The following PRDM11 variants were observed in gnomAD, a reference collection of about 807,000 sequenced individuals.
PRDM11 encodes the protein PR domain-containing protein 11.
In PRDM11, 20 loss-of-function variants were observed where a neutral mutation model predicts 97.8. The observed-to-expected ratio is 0.20, with a 90% CI of 0.14 to 0.30. The LOEUF (loss-of-function observed/expected upper bound fraction) is 0.30. PRDM11 is among the 10% of genes least tolerant of loss of function. The probability of loss-of-function intolerance (pLI) is 1.00; values close to 1 mark genes in which losing one functional copy is unlikely to be tolerated. For missense variants in PRDM11, 1,139 were observed against 1,555.2 expected (o/e 0.73, Z 4.50); for synonymous variants, 599 against 637.7 (o/e 0.94, Z 0.91).
chr11:45,207,419 T>C (rs574807674), intron 5 of PRDM11, among the ~76,000 whole-genome samples: 2 of 150,160 alleles, frequency 1.3e-5, no homozygotes, highest in East Asian at 1.9e-4. Flanking sequence ...CGAGCACTAT[T>C]TTGTGCCCCT....
At chr11:45,107,969 A>G in intron 1 of PRDM11, among the ~76,000 whole-genome samples, 1 of 151,990 alleles carries the variant, frequency 6.6e-6, no homozygotes, top group East Asian at 1.9e-4. Flanking sequence ...AGCTGGGACT[A>G]CAGGTCTACA....
exon 1 of PRDM11, chr11:45,095,888 A>G (rs1345890042): frequency 2.6e-6 from 2 of 780,888 alleles, no homozygotes; most frequent in Non-Finnish European, 4.8e-6. Flanking sequence ...CTCTTCCTTT[A>G]CCAGAGAGAG....
At position 45,233,324 on chromosome 11, in the gene PRDM11, C is replaced by T. The variant is rs1007159845; in HGVS notation, c.*5165C>T. The stretch of plus-strand genomic sequence containing the variant: ...AGAGGAGAGTGGCTGGGTCCCGGCT[C>T]GCTCCATGCACTTTCTCTCCTTTTC... On this transcript the variant is annotated 3_prime_UTR_variant, in exon 8 of 8. Coordinates refer to ENST00000683152, the MANE Select transcript of PRDM11 (RefSeq NM_001384648.1). 6.6e-6 allele frequency: 1 copy of T among 152,110 alleles called. No homozygotes were observed. Among genetic ancestry groups the T allele is most frequent in the Non-Finnish European group, 1.5e-5 (1 of 68,044 alleles). 9.4% of individuals were successfully genotyped at this position (152,110 alleles called of 1,614,324 possible). A position where few individuals can be genotyped will look rare whatever the true frequency, so the allele number is the denominator to read the frequency against.
chr11:45,102,819 C>G (rs1471408901), intron 1 of PRDM11, among the ~76,000 whole-genome samples: 1 of 152,196 alleles, frequency 6.6e-6, no homozygotes, highest in Admixed American at 6.5e-5. Flanking sequence ...GTAATCAGTT[C>G]AATGCCAGAG....
intron 1 of PRDM11, among the ~76,000 whole-genome samples, chr11:45,174,667 G>C (rs1400446233): frequency 6.6e-6 from 1 of 152,186 alleles, no homozygotes; most frequent in African/African-American, 2.4e-5. Flanking sequence ...CTAATGACAA[G>C]TGGGTAAAGG....
At chr11:45,128,004 C>T (rs192297341) in intron 1 of PRDM11, among the ~76,000 whole-genome samples, 281 of 152,356 alleles carry the variant, frequency 1.8e-3, no homozygotes, top group African/African-American at 5.4e-3. Context: ...CCACCCACTT[C>T]GAGCTTCCTG....
rs2135867982 is a variant in PRDM11, at chr11:45,231,301, T to C, written c.*3142T>C. ...GATTTCTGTCATAGGCATTTCCCAC[T>C]CTTCTGCTTGCTTGAGAAGGACTTG... On this transcript the variant is annotated 3_prime_UTR_variant, in exon 8 of 8. Transcript: ENST00000683152. 1 of 152,188 alleles carries C rather than the reference T, an allele frequency of 6.6e-6. No homozygotes were observed. Among genetic ancestry groups the C allele is most frequent in the African/African-American group, 2.4e-5 (1 of 41,540 alleles). 9.4% of individuals were successfully genotyped at this position (152,188 alleles called of 1,614,324 possible). A position where few individuals can be genotyped will look rare whatever the true frequency, so the allele number is the denominator to read the frequency against.
chr11:45,140,555 T>C (rs557937180), intron 1 of PRDM11, among the ~76,000 whole-genome samples: 2 of 152,350 alleles, frequency 1.3e-5, no homozygotes, highest in South Asian at 4.1e-4. Context: ...AACCTTGGCT[T>C]ACACACCTCC....
At chr11:45,207,083 C>T (rs761278793) in intron 5 of PRDM11, among the ~76,000 whole-genome samples, 1 of 152,112 alleles carries the variant, frequency 6.6e-6, no homozygotes, top group Non-Finnish European at 1.5e-5. Flanking sequence ...GGGCTCTCAT[C>T]TTATGACCAC....
chr11:45,204,820 C>T, intron 5 of PRDM11, 42 bp downstream of exon 5: 1 of 1,558,640 alleles, frequency 6.4e-7, no homozygotes, highest in Non-Finnish European at 8.9e-7. Context: ...CTTGCCTGGC[C>T]TCTGGAAAGG....
At position 45,181,829 on chromosome 11, in the gene PRDM11, G is replaced by C; in HGVS notation, c.63G>C (p.Thr21=). ...QTNAAVGDMV[T]VVKTEVCSPL... ...ATGCAGCCGTGGGGGATATGGTGAC[G>C]GTGGTGAAGACGGAGGTCTGCTCAC... Residue 21 remains threonine, a synonymous_variant, in exon 2 of 8, where the codon ACG becomes ACC. Transcript: ENST00000683152. 2 of 1,613,596 alleles carry C rather than the reference G, an allele frequency of 1.2e-6. No homozygotes were observed. Among genetic ancestry groups the C allele is most frequent in the Non-Finnish European group, 1.7e-6 (2 of 1,179,960 alleles).
At chr11:45,151,676 C>T (rs374065439) in intron 1 of PRDM11, among the ~76,000 whole-genome samples, 25 of 152,312 alleles carry the variant, frequency 1.6e-4, no homozygotes, top group South Asian at 1.2e-3. Context: ...AGCAGAAGGA[C>T]GCAAAGGAGA....
At chr11:45,133,826 A>G (rs1228414822) in intron 1 of PRDM11, among the ~76,000 whole-genome samples, 1 of 152,034 alleles carries the variant, frequency 6.6e-6, no homozygotes, top group Non-Finnish European at 1.5e-5. Flanking sequence ...CTCAACATAC[A>G]CCCCAGCTCA....
intron 1 of PRDM11, among the ~76,000 whole-genome samples, chr11:45,158,745 A>G (rs572137812): frequency 1.1e-4 from 17 of 150,174 alleles, no homozygotes; most frequent in Non-Finnish European, 2.2e-4. Flanking sequence ...CCCTTCCCCA[A>G]AGCTGATCCT....
At position 45,219,528 on chromosome 11, in the gene PRDM11, A is replaced by T. The variant is rs1210248681; in HGVS notation, c.555-42A>T. On this transcript the variant is annotated intron_variant, in intron 5 of 7. Coordinates refer to ENST00000683152, the MANE Select transcript of PRDM11 (RefSeq NM_001384648.1). The surrounding 1 kb of genome is among the most constrained non-coding windows in gnomAD (Gnocchi z 4.2). ...GCCGGCACCAGCGGGCACTCAACAA[A>T]GGGTGGCCCGTGCGTTCTCACCTGT... The T allele has an allele frequency of 1.9e-6, 3 of 1,557,116 alleles. No individual in the cohort carries two copies. The highest frequency in any genetic ancestry group is 1.7e-5 in the Admixed American group (1 of 58,594).
intron 1 of PRDM11, among the ~76,000 whole-genome samples, chr11:45,106,812 T>G (rs1404516466): frequency 1.3e-5 from 2 of 152,174 alleles, no homozygotes; most frequent in Non-Finnish European, 2.9e-5. Flanking sequence ...ATTTTCTAGA[T>G]CTAGCCTGGG....
chr11:45,231,989 A>G lies in PRDM11; in HGVS notation c.*3830A>G, dbSNP rs569822783. On this transcript the variant is annotated 3_prime_UTR_variant, in exon 8 of 8. Coordinates refer to ENST00000683152, the MANE Select transcript of PRDM11 (RefSeq NM_001384648.1). Reference sequence around the variant, plus strand: ...GCAAGGTTCAGTGCTGGGCCCTGGAATCTATGGCACTTGGGGGTCTCTGAC... The same window carrying G: ...GCAAGGTTCAGTGCTGGGCCCTGGAGTCTATGGCACTTGGGGGTCTCTGAC... The G allele has an allele frequency of 4.6e-5, 7 of 152,278 alleles. No individual in the cohort carries two copies. The East Asian group carries it at 1.4e-3, about 29-fold the overall frequency. 9.4% of individuals were successfully genotyped at this position (152,278 alleles called of 1,614,324 possible).
chr11:45,123,106 T>C (rs2135631247), intron 1 of PRDM11, among the ~76,000 whole-genome samples: 1 of 152,258 alleles, frequency 6.6e-6, no homozygotes, highest in South Asian at 2.1e-4. Flanking sequence ...ATGATGAGCA[T>C]TTTTTCATGT....
intron 1 of PRDM11, among the ~76,000 whole-genome samples, chr11:45,123,462 T>A (rs1394198108): frequency 4.4e-5 from 2 of 45,294 alleles, no homozygotes; most frequent in East Asian, 6.8e-4. Context: ...TCTTCTAGGG[T>A]TTTTTATGGT....
Sources: allele counts gnomAD v4.1 joint callset (sites outside exome capture counted in the v4.1 genomes callset), GRCh38; gene constraint gnomAD v4.1.1; non-coding constraint Gnocchi (gnomAD v3.1); transcripts MANE v1.5; gene names NCBI Gene and HGNC (gene_info 2026-07-23, HGNC 2026-07-21).